GALNT11: variants seen among roughly 807,000 people sequenced by gnomAD.
GALNT11 encodes the protein UDP-GalNAc:polypeptide N-acetylgalactosaminyltransferase 11.
A neutral mutation model predicts 72.7 loss-of-function variants in GALNT11; 47 were observed. That is an observed-to-expected ratio of 0.65 (90% CI 0.51 to 0.82). The LOEUF (loss-of-function observed/expected upper bound fraction) is 0.82, where lower values mean the gene tolerates loss of function less well. Ranked by LOEUF, GALNT11 falls within the 40% of genes least tolerant of loss-of-function variation. GALNT11 has a pLI of 0.00. For synonymous variants in GALNT11, 270 were observed against 286.6 expected (o/e 0.94, Z 0.58); for missense variants, 677 against 778.4 (o/e 0.87, Z 1.55).
chr7:152,059,341 AC>A (rs1423833786), intron 1 of GALNT11, among the ~76,000 whole-genome samples: 2 of 151,336 alleles, frequency 1.3e-5, no homozygotes, highest in African/African-American at 4.9e-5. Context: ...GCCTCAAGTA[AC>A]CCTCCCACCT....
chr7:152,113,572 T>C (rs1362761524), intron 8 of GALNT11, among the ~76,000 whole-genome samples, 174 bp downstream of exon 8: 1 of 152,076 alleles, frequency 6.6e-6, no homozygotes, highest in African/African-American at 2.4e-5. Context: ...TTCACTTCTT[T>C]CTGGTTCTAA....
At chr7:152,026,025 G>C (rs1428532578) in intron 1 of GALNT11, 141 bp downstream of exon 1, 1 of 152,618 alleles carries the variant, frequency 6.6e-6, no homozygotes, top group African/African-American at 2.4e-5. Context: ...GCTCCCGCAC[G>C]CCCCCTGGGC....
intron 1 of GALNT11, among the ~76,000 whole-genome samples, chr7:152,083,626 C>T (rs1285505059): frequency 6.6e-6 from 1 of 151,998 alleles, no homozygotes; most frequent in Non-Finnish European, 1.5e-5. Flanking sequence ...GGGCTCACAC[C>T]CCACTAGTTC....
At chr7:152,114,213 C>T (rs2088596244) in intron 8 of GALNT11, among the ~76,000 whole-genome samples, 1 of 152,032 alleles carries the variant, frequency 6.6e-6, no homozygotes, top group South Asian at 2.1e-4. Flanking sequence ...AAGTATAATC[C>T]AAAAATTGAT....
chr7:152,047,124 C>A (rs887529340), intron 1 of GALNT11, among the ~76,000 whole-genome samples: 1 of 152,086 alleles, frequency 6.6e-6, no homozygotes, highest in African/African-American at 2.4e-5. Context: ...TGTTTGTAAT[C>A]CCAGCACTTT....
At chr7:152,104,475 TAATA>T (rs2087310490) in intron 4 of GALNT11, 1 of 152,164 alleles carries the variant, frequency 6.6e-6, no homozygotes, top group South Asian at 2.1e-4. Context: ...ACAAAAAACC[TAATA>T]AATAAATCTG....
intron 3 of GALNT11, 69 bp from the exon 4 acceptor site, chr7:152,103,043 A>G: frequency 7.2e-7 from 1 of 1,395,764 alleles, no homozygotes. Flanking sequence ...GTAAATCTGT[A>G]GGTGAATAAT....
chr7:152,088,520 T>A, intron 1 of GALNT11, among the ~76,000 whole-genome samples: 1 of 151,992 alleles, frequency 6.6e-6, no homozygotes, highest in South Asian at 2.1e-4. Context: ...TTCAGGGTTT[T>A]TTTTTTTTTT....
intron 1 of GALNT11, among the ~76,000 whole-genome samples, chr7:152,045,465 T>A (rs1204952286): frequency 2.0e-5 from 3 of 152,216 alleles, no homozygotes; most frequent in Admixed American, 2.0e-4. Flanking sequence ...TCTTGTTACT[T>A]GCTATTGGTC....
chr7:152,102,470 A>G (rs922914463), intron 3 of GALNT11, among the ~76,000 whole-genome samples: 1 of 151,998 alleles, frequency 6.6e-6, no homozygotes, highest in South Asian at 2.1e-4. Context: ...TGAACCAGGG[A>G]GTCGGAGGTT....
At chr7:152,105,913 G>A (rs898297570) in intron 5 of GALNT11, among the ~76,000 whole-genome samples, 1 of 152,024 alleles carries the variant, frequency 6.6e-6, no homozygotes, top group Admixed American at 6.6e-5. Context: ...GCAAGTCTCC[G>A]TTGTTACTAG....
intron 1 of GALNT11, among the ~76,000 whole-genome samples, chr7:152,085,717 TTC>T (rs1400549352): frequency 6.6e-6 from 1 of 152,134 alleles, no homozygotes; most frequent in Non-Finnish European, 1.5e-5. Context: ...GGGTGTTGGC[TTC>T]TTTTTTTTAT....
Position 152,028,150 on chromosome 7 carries a change from C to T in GALNT11, c.-39+2266C>T, listed in dbSNP as rs1411744871. ...GAATGAAAGAGCAAAGCTTCCACAG[C>T]ATGGAAGGGGACCCGAGCAGGTTGC... is the stretch of plus-strand genomic sequence containing the variant. On this transcript the variant is annotated intron_variant, in intron 1 of 11. Coordinates refer to ENST00000430044, the MANE Select transcript of GALNT11 (RefSeq NM_022087.4). 2.6e-5 allele frequency among the ~76,000 whole-genome samples: 4 copies of T among 152,210 alleles called. No individual in the cohort carries two copies. The East Asian group carries it at 5.8e-4, about 22-fold the overall frequency.
In GALNT11 at chr7:152,081,853, C is replaced by G. The variant is rs548714308; in HGVS notation, c.-38-12337C>G. ...ACTTACATGTAGCATCCTATATATA[C>G]TTTTCTCATCTTTTTTCACCTGACA... On this transcript the variant is annotated intron_variant, in intron 1 of 11. Transcript: ENST00000430044. Among the ~76,000 whole-genome samples, 5 of 152,182 alleles carry G rather than the reference C, an allele frequency of 3.3e-5. No individual in the cohort carries two copies. The South Asian group carries it at 1.0e-3, about 32-fold the overall frequency.
chr7:152,039,467 T>C (rs2082742781), intron 1 of GALNT11, among the ~76,000 whole-genome samples: 1 of 152,162 alleles, frequency 6.6e-6, no homozygotes, highest in Non-Finnish European at 1.5e-5. Flanking sequence ...GTGTCAGCCC[T>C]TGTTGAAGGC....
chr7:152,033,702 T>C (rs2151988203), intron 1 of GALNT11, among the ~76,000 whole-genome samples: 1 of 152,290 alleles, frequency 6.6e-6, no homozygotes, highest in East Asian at 1.9e-4. Context: ...TTCTCCTTAG[T>C]CCTTCTAGAA....
chr7:152,093,648 C>A (rs1221971738), intron 1 of GALNT11, among the ~76,000 whole-genome samples: 3 of 151,996 alleles, frequency 2.0e-5, no homozygotes, highest in Non-Finnish European at 4.4e-5. Flanking sequence ...AGGCTGGTCT[C>A]GAACTTCTGA....
chr7:152,099,530 GTTTTTTT>G (rs1009548038), intron 2 of GALNT11, among the ~76,000 whole-genome samples: 7 of 57,784 alleles, frequency 1.2e-4, no homozygotes, highest in African/African-American at 5.2e-4. Flanking sequence ...CTCCCGCCTA[GTTTTTTT>G]TTTTTTTTTT....
intron 1 of GALNT11, among the ~76,000 whole-genome samples, chr7:152,034,658 A>G (rs2082470698): frequency 6.6e-6 from 1 of 152,078 alleles, no homozygotes; most frequent in Non-Finnish European, 1.5e-5. Context: ...TGCTGATCGG[A>G]ATAGTTGCAC....
Sources: allele counts gnomAD v4.1 joint callset (sites outside exome capture counted in the v4.1 genomes callset), GRCh38; gene constraint gnomAD v4.1.1; transcripts MANE v1.5; gene names NCBI Gene and HGNC (gene_info 2026-07-23, HGNC 2026-07-21).